The following ZXDC variants were observed in gnomAD, a reference collection of about 807,000 sequenced individuals.
The protein encoded by ZXDC is zinc finger protein ZXDC.
Under a neutral mutation model 63.6 loss-of-function variants are expected in ZXDC, and 58 were observed. That is an observed-to-expected ratio of 0.91 (90% CI 0.74 to 1.13). ZXDC has a LOEUF of 1.13. Ranked by LOEUF, ZXDC falls within the 50% of genes most tolerant of loss-of-function variation. The pLI is 0.00. For synonymous variants in ZXDC, 561 were observed against 496.1 expected (o/e 1.13, Z -1.74); for missense variants, 1,133 against 1,148.9 (o/e 0.99, Z 0.20).
At chr3:126,474,930 A>AGCCC (rs1304274067) in intron 1 of ZXDC, 29 bp downstream of exon 1, 1 of 1,537,714 alleles carries the variant, frequency 6.5e-7, no homozygotes, top group Non-Finnish European at 8.8e-7. Flanking sequence ...AACACCGCGC[A>AGCCC]GCCCGCCCGC....
chr3:126,440,392 A>G, intron 8 of ZXDC: 3 of 985,580 alleles, frequency 3.0e-6, no homozygotes, highest in South Asian at 4.7e-5. Context: ...CCCATTTCAT[A>G]GATGACAAAA....
intron 1 of ZXDC, among the ~76,000 whole-genome samples, chr3:126,474,362 C>A (rs1935099224): frequency 6.6e-6 from 1 of 152,200 alleles, no homozygotes; most frequent in Non-Finnish European, 1.5e-5. Context: ...CCGCGCCCAG[C>A]CACCAGCAGT....
intron 7 of ZXDC, chr3:126,450,502 G>C: frequency 2.2e-6 from 1 of 456,628 alleles, no homozygotes; most frequent in Non-Finnish European, 4.4e-6. Flanking sequence ...AACCCACCTG[G>C]GCACCTCATG....
At chr3:126,441,329 C>A (rs1443158110) in intron 8 of ZXDC, 7 of 1,003,260 alleles carry the variant, frequency 7.0e-6, no homozygotes, top group Non-Finnish European at 7.1e-6. Context: ...GCTGCTAGTG[C>A]GCCACAAGCA....
intron 7 of ZXDC, among the ~76,000 whole-genome samples, chr3:126,455,890 C>T (rs1934286839): frequency 6.6e-6 from 1 of 151,890 alleles, no homozygotes; most frequent in Non-Finnish European, 1.5e-5. Flanking sequence ...GTCCCAGCTA[C>T]TCGGGAGGCT....
intron 1 of ZXDC, among the ~76,000 whole-genome samples, chr3:126,474,748 G>C (rs1334470127): frequency 6.6e-6 from 1 of 152,242 alleles, no homozygotes; most frequent in East Asian, 1.9e-4. Flanking sequence ...GCGCAGCTGT[G>C]GTGATCTGCG....
Position 126,438,307 on chromosome 3 carries a change from A to C in ZXDC, c.*68T>G. On this transcript the variant is annotated 3_prime_UTR_variant, in exon 10 of 10. Coordinates refer to ENST00000389709, the MANE Select transcript of ZXDC (RefSeq NM_025112.5). Reference sequence around the variant, plus strand: ...AACCAAATGAGGTCTCCCCAGGCTCATGTCATGAGTCTCAGGGAAGGTGTG... The same window carrying C: ...AACCAAATGAGGTCTCCCCAGGCTCCTGTCATGAGTCTCAGGGAAGGTGTG... The C allele has an allele frequency of 7.3e-7, 1 of 1,375,536 alleles. No homozygotes were observed. Among genetic ancestry groups the C allele is most frequent in the Non-Finnish European group, 1.0e-6 (1 of 981,882 alleles). The allele number at this position is 1,375,536 out of a possible 1,614,324, so 85.2% of individuals were successfully genotyped here. A position where few individuals can be genotyped will look rare whatever the true frequency, so the allele number is the denominator to read the frequency against.
chr3:126,452,046 T>C, intron 7 of ZXDC: 1 of 985,390 alleles, frequency 1.0e-6, no homozygotes, highest in Non-Finnish European at 1.2e-6. Flanking sequence ...TTTTTTTCCC[T>C]AAAAGGCCAG....
At chr3:126,458,829 G>A in intron 7 of ZXDC, 1 of 985,348 alleles carries the variant, frequency 1.0e-6, no homozygotes, top group Non-Finnish European at 1.2e-6. Flanking sequence ...GAACTGTTGA[G>A]GTGTCCCTTC....
chr3:126,455,412 T>G (rs889116100), intron 7 of ZXDC, among the ~76,000 whole-genome samples: 5 of 152,146 alleles, frequency 3.3e-5, no homozygotes, highest in Non-Finnish European at 7.3e-5. Flanking sequence ...AAAACCCCAG[T>G]AACAATAAGT....
At position 126,461,790 on chromosome 3, in the gene ZXDC, T is replaced by C. The variant is rs2107648111; in HGVS notation, c.1872A>G (p.Pro624=). ...AGTTACTATTGGAGGTCAAAGCCAG[T>C]GGGTCGTCACTCAAGTTCTTCATGG... ...ALPMKNLSDD[P]LALTSNSNLA... Residue 624 remains proline (P), a synonymous_variant, in exon 6 of 10, where the codon CCA becomes CCG. Transcript: ENST00000389709. 1 of 1,614,078 alleles carries C rather than the reference T, an allele frequency of 6.2e-7. No individual in the cohort carries two copies. The highest frequency in any genetic ancestry group is 8.5e-7 in the Non-Finnish European group (1 of 1,180,006).
At chr3:126,459,884 C>T (rs747825638) in intron 6 of ZXDC, 147 bp from the exon 7 acceptor site, 95 of 1,532,500 alleles carry the variant, frequency 6.2e-5, no homozygotes, top group Non-Finnish European at 8.0e-5. Flanking sequence ...AAGGGCCAAA[C>T]GCTACATCCA....
At chr3:126,467,148 C>T (rs1432351509) in intron 4 of ZXDC, among the ~76,000 whole-genome samples, 2 of 152,182 alleles carry the variant, frequency 1.3e-5, no homozygotes, top group East Asian at 3.9e-4. Context: ...GGCAGAAAAG[C>T]GGTCTCAGGA....
chr3:126,469,106 T>G (rs1192633046), intron 4 of ZXDC, among the ~76,000 whole-genome samples: 5 of 152,166 alleles, frequency 3.3e-5, no homozygotes, highest in Non-Finnish European at 2.9e-5. Context: ...ACAGAGAGCT[T>G]CAAGTGTTTG....
chr3:126,475,426 A>T lies in ZXDC; in HGVS notation c.440T>A (p.Leu147Gln). 1 of 1,184,276 alleles carries T rather than the reference A, an allele frequency of 8.4e-7. No individual in the cohort carries two copies. Among genetic ancestry groups the T allele is most frequent in the East Asian group, 3.8e-5 (1 of 26,060 alleles). The allele number at this position is 1,184,276 out of a possible 1,614,324, so 73.4% of individuals were successfully genotyped here. ...LVRLDRGVLALSAPPGPATAG... is the reference protein window; with the variant it reads ...LVRLDRGVLAQSAPPGPATAG... ...GGTTGCGGGGCCGGGCGGCGCAGAC[A>T]GCGCGAGGACGCCGCGGTCGAGACG... The change falls in exon 1 of 10, where the codon CTG (leucine) becomes CAG (glutamine). Residue 147 changes from leucine to glutamine, a missense_variant. Transcript: ENST00000389709.
chr3:126,475,388 C>T lies in ZXDC; in HGVS notation c.478G>A (p.Ala160Thr), dbSNP rs566286354. Reference protein sequence around the residue: ...PPGPATAGAAAPRRAPQASGP... With the variant: ...PPGPATAGAATPRRAPQASGP... ...GAGGCCTGGGGCGCGCGGCGGGGAG[C>T]GGCGGCGCCCGCGGTTGCGGGGCCG... Residue 160 changes from alanine to threonine, a missense_variant, in exon 1 of 10, where the codon GCT becomes ACT. Ala to Thr is a moderately conservative substitution (Grantham distance 58). Coordinates refer to ENST00000389709, the MANE Select transcript of ZXDC (RefSeq NM_025112.5). 4.1e-6 allele frequency: 5 copies of T among 1,220,576 alleles called. No individual in the cohort carries two copies. Among genetic ancestry groups the T allele is most frequent in the Non-Finnish European group, 5.1e-6 (5 of 976,914 alleles). 75.6% of individuals were successfully genotyped at this position (1,220,576 alleles called of 1,614,324 possible).
intron 7 of ZXDC, chr3:126,459,292 G>A (rs989190076): frequency 1.2e-5 from 12 of 985,298 alleles, no homozygotes; most frequent in Middle Eastern, 5.2e-4. Context: ...CCAGGTCTCT[G>A]CCATGCCAAG....
intron 7 of ZXDC, among the ~76,000 whole-genome samples, chr3:126,449,918 G>A (rs967778196): frequency 2.6e-5 from 4 of 152,216 alleles, no homozygotes; most frequent in African/African-American, 9.7e-5. Context: ...ACAGCAGGAC[G>A]CTCTGTGGAG....
intron 6 of ZXDC, 36 bp from the exon 7 acceptor site, chr3:126,459,773 A>G: frequency 6.2e-7 from 1 of 1,614,096 alleles, no homozygotes; most frequent in Non-Finnish European, 8.5e-7. Flanking sequence ...TCACTTATCT[A>G]GACACAAAGG....
Sources: allele counts gnomAD v4.1 joint callset (sites outside exome capture counted in the v4.1 genomes callset), GRCh38; gene constraint gnomAD v4.1.1; transcripts MANE v1.5; gene names NCBI Gene and HGNC (gene_info 2026-07-23, HGNC 2026-07-21).